The following NREP variants were observed in gnomAD, a reference collection of about 807,000 sequenced individuals.
The protein encoded by NREP is neuronal regeneration related protein.
A neutral mutation model predicts 8.6 loss-of-function variants in NREP; 5 were observed. The ratio of observed to expected loss-of-function variants is 0.58; its 90% CI spans 0.30 to 1.22. The LOEUF (loss-of-function observed/expected upper bound fraction) is 1.22, where lower values mean the gene tolerates loss of function less well. Ranked by LOEUF, NREP falls within the 50% of genes most tolerant of loss-of-function variation. The pLI, the probability that NREP is intolerant of heterozygous loss-of-function variation, is 0.07. For missense variants in NREP, 86 were observed against 82.5 expected (o/e 1.04, Z -0.17); for synonymous variants, 27 against 28.0 (o/e 0.96, Z 0.11).
intron 2 of NREP, among the ~76,000 whole-genome samples, chr5:111,816,092 T>A (rs1425296776): frequency 1.3e-5 from 2 of 152,200 alleles, no homozygotes; most frequent in African/African-American, 4.8e-5. Context: ...AACTAAACGC[T>A]AATGAAGAAT....
intron 2 of NREP, among the ~76,000 whole-genome samples, chr5:111,742,246 A>AGTT (rs1749730666): frequency 1.3e-5 from 2 of 152,204 alleles, no homozygotes; most frequent in South Asian, 4.1e-4. Flanking sequence ...TGATCTTATG[A>AGTT]GTTGGGGTGT....
At chr5:111,824,753 C>A (rs903277170) in intron 2 of NREP, among the ~76,000 whole-genome samples, 1 of 152,040 alleles carries the variant, frequency 6.6e-6, no homozygotes, top group African/African-American at 2.4e-5. Flanking sequence ...GAATTCCATA[C>A]GTATTTTTGT....
intron 2 of NREP, among the ~76,000 whole-genome samples, chr5:111,782,975 C>T (rs1751528720): frequency 6.6e-6 from 1 of 152,102 alleles, no homozygotes; most frequent in Non-Finnish European, 1.5e-5. Flanking sequence ...TCAAGTAATC[C>T]ACCTGCCTCA....
At chr5:111,759,658 G>A (rs1196612725), upstream of NREP, among the ~76,000 whole-genome samples, 1 of 152,062 alleles carries the variant, frequency 6.6e-6, no homozygotes, top group African/African-American at 2.4e-5. Context: ...TCCAGAAAAC[G>A]GTTATCATCC....
chr5:111,917,827 C>T (rs936987956), intron 2 of NREP, among the ~76,000 whole-genome samples: 4 of 152,158 alleles, frequency 2.6e-5, no homozygotes, highest in Non-Finnish European at 4.4e-5. Flanking sequence ...CTCACCACTC[C>T]TATTCAACAT....
intron 2 of NREP, among the ~76,000 whole-genome samples, chr5:111,770,125 T>G (rs574988245): frequency 6.6e-6 from 1 of 152,320 alleles, no homozygotes; most frequent in East Asian, 1.9e-4. Context: ...TCATGTCTAT[T>G]GTAAACCTTC....
chr5:111,861,204 G>A (rs531941101), intron 2 of NREP, among the ~76,000 whole-genome samples: 1 of 152,304 alleles, frequency 6.6e-6, no homozygotes, highest in Admixed American at 6.5e-5. Flanking sequence ...CACCTGCCAT[G>A]AGGTGGGTTT....
intron 2 of NREP, among the ~76,000 whole-genome samples, chr5:111,884,307 G>C: frequency 6.6e-6 from 1 of 151,590 alleles, no homozygotes; most frequent in Non-Finnish European, 1.5e-5. Context: ...ACCAATAACA[G>C]GAGCTGAAAT....
intron 2 of NREP, among the ~76,000 whole-genome samples, chr5:111,927,463 C>T (rs752979430): frequency 2.0e-5 from 3 of 152,016 alleles, no homozygotes; most frequent in Non-Finnish European, 2.9e-5. Flanking sequence ...GGAAATGGGA[C>T]ATGGTGTGAA....
intron 2 of NREP, among the ~76,000 whole-genome samples, chr5:111,902,942 T>C (rs1409254593): frequency 6.6e-6 from 1 of 152,162 alleles, no homozygotes; most frequent in Non-Finnish European, 1.5e-5. Context: ...GTTAAATTCC[T>C]AGGACCTTCA....
At chr5:111,847,089 T>C (rs1397962897) in intron 2 of NREP, among the ~76,000 whole-genome samples, 1 of 151,820 alleles carries the variant, frequency 6.6e-6, no homozygotes, top group East Asian at 1.9e-4. Context: ...CTGACACATA[T>C]TTTAAAATGA....
chr5:111,881,159 G>T (rs142539317), intron 2 of NREP, among the ~76,000 whole-genome samples: 2 of 152,196 alleles, frequency 1.3e-5, no homozygotes. Flanking sequence ...AAAAAACGGC[G>T]CACCAGGAGA....
chr5:111,949,336 G>T (rs962516114), intron 2 of NREP, among the ~76,000 whole-genome samples: 2 of 150,200 alleles, frequency 1.3e-5, no homozygotes, highest in Non-Finnish European at 3.0e-5. Context: ...CACAGGAAAA[G>T]ACATTCAAAA....
chr5:111,777,707 GT>G (rs1751398073), intron 2 of NREP, among the ~76,000 whole-genome samples: 1 of 152,078 alleles, frequency 6.6e-6, no homozygotes, highest in Admixed American at 6.6e-5. Flanking sequence ...AAAAAGCAAC[GT>G]TTTTGAGGGC....
Position 111,798,773 on chromosome 5 carries a change from GTGTATGTGTGTGTGTA to G in NREP, c.136-63282_136-63267del, listed in dbSNP as rs1402421155. On this transcript the variant is annotated intron_variant, in intron 2 of 3. Coordinates refer to the NREP transcript ENST00000395634. ...TGTGTGTGTGTGTGTGTGTGTGTGT[GTGTATGTGTGTGTGTA>G]TACATATATATCACAGTTTCTTTAT... Among the ~76,000 whole-genome samples, 13 of 14,256 alleles carry G rather than the reference GTGTATGTGTGTGTGTA, an allele frequency of 9.1e-4. No individual in the cohort carries two copies. The East Asian group carries it at 0.024, about 27-fold the overall frequency. 9.4% of individuals were successfully genotyped at this position (14,256 alleles called of 152,430 possible).
chr5:111,867,219 T>G (rs969524338), intron 2 of NREP, among the ~76,000 whole-genome samples: 11 of 151,886 alleles, frequency 7.2e-5, no homozygotes, highest in Non-Finnish European at 1.5e-4. Context: ...CAAAATACCA[T>G]AGACTGAGTG....
At chr5:111,837,209 T>C (rs1257076763) in intron 2 of NREP, among the ~76,000 whole-genome samples, 1 of 152,022 alleles carries the variant, frequency 6.6e-6, no homozygotes, top group Non-Finnish European at 1.5e-5. Context: ...TTTCCTACAA[T>C]CAAGAACCAG....
chr5:111,820,625 A>G (rs1752494751), intron 2 of NREP, among the ~76,000 whole-genome samples: 1 of 152,132 alleles, frequency 6.6e-6, no homozygotes, highest in Non-Finnish European at 1.5e-5. Context: ...CTGATCATAA[A>G]TATGTTACAT....
chr5:111,878,774 A>C (rs1410177926), intron 2 of NREP, among the ~76,000 whole-genome samples: 1 of 152,088 alleles, frequency 6.6e-6, no homozygotes, highest in Non-Finnish European at 1.5e-5. Flanking sequence ...TCTCTCATCC[A>C]TGGGCTTTGT....
Sources: allele counts gnomAD v4.1 joint callset (sites outside exome capture counted in the v4.1 genomes callset), GRCh38; gene constraint gnomAD v4.1.1; transcripts MANE v1.5; gene names NCBI Gene and HGNC (gene_info 2026-07-23, HGNC 2026-07-21).